FA2H: variants seen among roughly 807,000 people sequenced by gnomAD.
FA2H encodes the protein fatty acid alpha-hydroxylase.
In FA2H, 22 loss-of-function variants were observed where a neutral mutation model predicts 44.9. The observed-to-expected ratio is 0.49, with a 90% CI of 0.35 to 0.70. FA2H has a LOEUF of 0.70. Among genes scored for constraint, FA2H ranks in the 30% least tolerant of loss-of-function variants. The pLI is 0.01. For synonymous variants in FA2H, 243 were observed against 213.2 expected, an observed-to-expected ratio of 1.14 and a Z score of -1.22; for missense variants, 501 against 504.9, an observed-to-expected ratio of 0.99 and a Z score of 0.07.
intron 1 of FA2H, among the ~76,000 whole-genome samples, chr16:74,771,114 C>T (rs1417963652): frequency 3.3e-5 from 5 of 152,148 alleles, no homozygotes; most frequent in African/African-American, 9.7e-5. Flanking sequence ...CAACACAGGG[C>T]GGGCCCATGA....
At chr16:74,773,585 A>G (rs1182660013) in intron 1 of FA2H, among the ~76,000 whole-genome samples, 11 of 152,040 alleles carry the variant, frequency 7.2e-5, no homozygotes, top group Non-Finnish European at 1.6e-4. Context: ...TGTCTCCTCC[A>G]CCCGAAGACT....
chr16:74,735,341 A>G (rs1243991300), intron 2 of FA2H, among the ~76,000 whole-genome samples: 1 of 152,018 alleles, frequency 6.6e-6, no homozygotes, highest in Non-Finnish European at 1.5e-5. Context: ...GCGCGGTCTA[A>G]CTGGGACAAG....
chr16:74,757,649 T>C (rs1415834358), intron 1 of FA2H, among the ~76,000 whole-genome samples: 3 of 152,144 alleles, frequency 2.0e-5, no homozygotes, highest in Admixed American at 6.5e-5. Flanking sequence ...AAATATGTCA[T>C]TGGGTGAAAA....
At chr16:74,747,877 A>G (rs1962455125) in intron 1 of FA2H, among the ~76,000 whole-genome samples, 1 of 152,174 alleles carries the variant, frequency 6.6e-6, no homozygotes, top group Non-Finnish European at 1.5e-5. Flanking sequence ...CAAGGCCTGA[A>G]TCAGCTAATC....
chr16:74,728,777 TTTC>T (rs910866422), intron 2 of FA2H, among the ~76,000 whole-genome samples: 4 of 145,016 alleles, frequency 2.8e-5, no homozygotes, highest in African/African-American at 1.1e-4. Context: ...TATTTATCTC[TTTC>T]TTTTTTTTTT....
intron 2 of FA2H, among the ~76,000 whole-genome samples, chr16:74,734,505 A>G (rs1029897850): frequency 3.3e-5 from 5 of 152,158 alleles, no homozygotes; most frequent in Admixed American, 6.5e-5. Context: ...TGTGGGGTCC[A>G]TGCCCCTCCC....
intron 2 of FA2H, among the ~76,000 whole-genome samples, chr16:74,730,874 G>C (rs1386965251): frequency 3.3e-5 from 5 of 152,158 alleles, no homozygotes; most frequent in African/African-American, 1.2e-4. Flanking sequence ...GGAAACCGAG[G>C]CTGAGTAATC....
At chr16:74,742,190 T>A (rs886313283) in intron 1 of FA2H, among the ~76,000 whole-genome samples, 5 of 152,176 alleles carry the variant, frequency 3.3e-5, no homozygotes, top group Admixed American at 3.3e-4. Context: ...GCAGCCAACG[T>A]CTTCCAAGAC....
At chr16:74,722,589 A>G (rs1340773288) in intron 4 of FA2H, among the ~76,000 whole-genome samples, 1 of 151,950 alleles carries the variant, frequency 6.6e-6, no homozygotes, top group Non-Finnish European at 1.5e-5. Context: ...CCACTTTGCC[A>G]CTTCCCATTG....
At position 74,725,343 on chromosome 16, in the gene FA2H, C is replaced by G. The variant is rs184902857; in HGVS notation, c.613+882G>C. On this transcript the variant is annotated intron_variant, in intron 4 of 6. Coordinates refer to ENST00000219368, the MANE Select transcript of FA2H (RefSeq NM_024306.5). ...CAGCTCAGGAAGCTCAGAGCCAGGA[C>G]AGACAGACCACAGGGCAGGTGGCAT... Among the ~76,000 whole-genome samples the G allele has an allele frequency of 1.1e-3, 167 of 152,334 alleles. 2 individuals are homozygous for G. The highest frequency in any genetic ancestry group is 0.01 in the Middle Eastern group (3 of 294).
intron 1 of FA2H, among the ~76,000 whole-genome samples, chr16:74,751,108 T>C (rs1962519181): frequency 6.6e-6 from 1 of 151,488 alleles, no homozygotes; most frequent in Non-Finnish European, 1.5e-5. Context: ...TTTTGTTTGT[T>C]TTTTGAGACA....
At chr16:74,770,954 C>T (rs1362880715) in intron 1 of FA2H, among the ~76,000 whole-genome samples, 3 of 152,146 alleles carry the variant, frequency 2.0e-5, no homozygotes, top group African/African-American at 7.2e-5. Flanking sequence ...CTCTAAGCAT[C>T]AGACAAGGCA....
chr16:74,729,201 G>C (rs1030225312), intron 2 of FA2H, among the ~76,000 whole-genome samples: 1 of 152,028 alleles, frequency 6.6e-6, no homozygotes, highest in African/African-American at 2.4e-5. Context: ...GTAGACAAGG[G>C]GTTTCACCAT....
At position 74,759,383 on chromosome 16, in the gene FA2H, G is replaced by C. The variant is rs372655763; in HGVS notation, c.270+15103C>G. 5.3e-5 allele frequency among the ~76,000 whole-genome samples: 8 copies of C among 152,246 alleles called. 1 individual carries two copies. In the East Asian group the frequency reaches 7.7e-4, roughly 15 times the overall value. ...GGCTATGAGGTAGCAACATGCCATC[G>C]GCTGATTGGCTGGGATCAGCTCCAA... is the stretch of plus-strand genomic sequence containing the variant. On this transcript the variant is annotated intron_variant, in intron 1 of 6. Transcript: ENST00000219368.
intron 1 of FA2H, among the ~76,000 whole-genome samples, chr16:74,748,900 G>C (rs1013245243): frequency 2.0e-5 from 3 of 152,190 alleles, no homozygotes; most frequent in Admixed American, 1.3e-4. Context: ...TTTTCTGAAA[G>C]GGAATGGTTG....
At chr16:74,762,267 T>C (rs1002424364) in intron 1 of FA2H, among the ~76,000 whole-genome samples, 16 of 152,170 alleles carry the variant, frequency 1.1e-4, no homozygotes, top group African/African-American at 3.9e-4. Context: ...GTGGTCTCGA[T>C]TTCCTGACCT....
intron 2 of FA2H, among the ~76,000 whole-genome samples, chr16:74,728,141 T>C (rs959368426): frequency 3.3e-5 from 5 of 152,106 alleles, no homozygotes; most frequent in African/African-American, 1.2e-4. Context: ...ATGGAAGTAA[T>C]TGTTGGTTGC....
chr16:74,730,934 A>G (rs1298215940), intron 2 of FA2H, among the ~76,000 whole-genome samples: 1 of 152,066 alleles, frequency 6.6e-6, no homozygotes, highest in African/African-American at 2.4e-5. Flanking sequence ...CCCCTTTACC[A>G]CTGGGAAAGA....
At chr16:74,722,830 G>T (rs1013226721) in intron 4 of FA2H, among the ~76,000 whole-genome samples, 8 of 149,966 alleles carry the variant, frequency 5.3e-5, no homozygotes, top group African/African-American at 2.0e-4. Context: ...AGAATCGCTT[G>T]AACCCGAGAG....
Sources: allele counts gnomAD v4.1 joint callset (sites outside exome capture counted in the v4.1 genomes callset), GRCh38; gene constraint gnomAD v4.1.1; transcripts MANE v1.5; gene names NCBI Gene and HGNC (gene_info 2026-07-23, HGNC 2026-07-21).